Variants in KCNK10 observed in about 807,000 individuals in gnomAD.
The protein encoded by KCNK10 is potassium two pore domain channel subfamily K member 10.
KCNK10 carries 25 observed loss-of-function variants against 47.7 expected under a neutral mutation model. The observed-to-expected ratio is 0.52, with a 90% confidence interval of 0.38 to 0.73. KCNK10 has a LOEUF of 0.73. Among genes scored for constraint, KCNK10 ranks in the 30% least tolerant of loss-of-function variants. KCNK10 has a pLI of 0.00. For missense variants in KCNK10, 563 were observed against 714.5 expected, an observed-to-expected ratio of 0.79 and a Z score of 2.42; for synonymous variants, 303 against 285.6, an observed-to-expected ratio of 1.06 and a Z score of -0.61.
rs755494867 is a variant in KCNK10 at position 88,185,952 on chromosome 14, A to G, written c.1215T>C (p.Phe405=). 27 of 1,613,638 alleles carry G rather than the reference A, an allele frequency of 1.7e-5. No individual in the cohort carries two copies. The South Asian group carries it at 2.5e-4, about 15-fold the overall frequency. ...TGAAGCGGCCGGTGTCCAGGGCAGCAAAGACAGAGCGCTTCTCGGGGGACA... is the reference window on the plus strand; with the variant it reads ...TGAAGCGGCCGGTGTCCAGGGCAGCGAAGACAGAGCGCTTCTCGGGGGACA... ...DMLSPEKRSV[F]AALDTGRFKA... is the part of the protein sequence containing the mutation. The change falls in exon 7 of 7, where the codon TTT becomes TTC. Residue 405 remains phenylalanine (F), a synonymous_variant. Coordinates refer to ENST00000319231, the MANE Select transcript of KCNK10 (RefSeq NM_138317.3). The surrounding 1 kb of genome is among the most constrained non-coding windows in gnomAD (Gnocchi z 4.3).
chr14:88,324,919 A>G (rs1888629953), upstream of KCNK10, among the ~76,000 whole-genome samples: 1 of 152,110 alleles, frequency 6.6e-6, no homozygotes, highest in Admixed American at 6.5e-5. Context: ...TGTCACAGGC[A>G]CCCCAGGCTG....
chr14:88,196,351 A>T (rs1884913467), intron 4 of KCNK10, among the ~76,000 whole-genome samples: 1 of 152,256 alleles, frequency 6.6e-6, no homozygotes, highest in Admixed American at 6.5e-5. Flanking sequence ...GTATGGACTG[A>T]CAATTCGGGA....
chr14:88,240,817 C>T lies in KCNK10; in HGVS notation c.406G>A (p.Ala136Thr). 1 of 1,592,954 alleles carries T rather than the reference C, an allele frequency of 6.3e-7. No individual in the cohort carries two copies. The highest frequency in any genetic ancestry group is 8.6e-7 in the Non-Finnish European group (1 of 1,161,634). Residue 136 changes from alanine to threonine, a missense_variant, in exon 3 of 7, where the codon GCT (alanine) becomes ACT (threonine). Coordinates refer to ENST00000319231, the MANE Select transcript of KCNK10 (RefSeq NM_138317.3). ...ACTCCCGCATTGTCAGCATCAAGAG[C>T]ATGCTGCAAAGAAAGGGAAAAAGCA... ...PQELETLIQH[A>T]LDADNAGVSP... is the part of the protein sequence containing the mutation.
chr14:88,192,163 A>T, intron 5 of KCNK10, 61 bp downstream of exon 5: 1 of 1,480,374 alleles, frequency 6.8e-7, no homozygotes, highest in Non-Finnish European at 9.2e-7. Context: ...TGCGAAAAGC[A>T]CAGCCAACAG....
chr14:88,251,676 TATA>T (rs1394131782), intron 2 of KCNK10, among the ~76,000 whole-genome samples: 1 of 152,248 alleles, frequency 6.6e-6, no homozygotes, highest in Non-Finnish European at 1.5e-5. Context: ...TTGACCAGAT[TATA>T]TCACTCTGCT....
At chr14:88,200,952 G>T (rs979609490) in intron 4 of KCNK10, among the ~76,000 whole-genome samples, 3 of 152,212 alleles carry the variant, frequency 2.0e-5, no homozygotes, top group African/African-American at 7.2e-5. Context: ...GGAACTGTTT[G>T]CCTACCACAG....
chr14:88,324,986 G>T (rs748016822), upstream of KCNK10, among the ~76,000 whole-genome samples: 1 of 152,178 alleles, frequency 6.6e-6, no homozygotes, highest in Non-Finnish European at 1.5e-5. Flanking sequence ...ATCTGATGGT[G>T]CTACTCTGAC....
intron 4 of KCNK10, among the ~76,000 whole-genome samples, chr14:88,223,402 T>C (rs1409374566): frequency 6.6e-6 from 1 of 151,076 alleles, no homozygotes; most frequent in Non-Finnish European, 1.5e-5. Flanking sequence ...TGAGTAAATA[T>C]CATTTTCTTT....
chr14:88,187,466 A>T (rs1372199955), intron 6 of KCNK10, among the ~76,000 whole-genome samples: 3 of 152,022 alleles, frequency 2.0e-5, no homozygotes, highest in African/African-American at 7.3e-5. Context: ...GTCTCTATGG[A>T]TGTGACAACC....
At chr14:88,254,972 T>C (rs2139908977) in intron 2 of KCNK10, among the ~76,000 whole-genome samples, 1 of 152,304 alleles carries the variant, frequency 6.6e-6, no homozygotes, top group East Asian at 1.9e-4. Context: ...ATCATCCTAA[T>C]GAGGACTGTG....
intron 2 of KCNK10, among the ~76,000 whole-genome samples, chr14:88,243,142 T>G (rs1886528762): frequency 6.6e-6 from 1 of 152,246 alleles, no homozygotes; most frequent in Non-Finnish European, 1.5e-5. Context: ...ATTTAATGTT[T>G]ACCTATGTAA....
At chr14:88,236,774 G>A (rs1418912203) in intron 3 of KCNK10, among the ~76,000 whole-genome samples, 1 of 152,158 alleles carries the variant, frequency 6.6e-6, no homozygotes, top group Non-Finnish European at 1.5e-5. Context: ...TCTAAAAAAT[G>A]TATATATACT....
At chr14:88,214,682 T>C (rs958161541) in intron 4 of KCNK10, among the ~76,000 whole-genome samples, 1 of 152,154 alleles carries the variant, frequency 6.6e-6, no homozygotes, top group African/African-American at 2.4e-5. Context: ...AAGAAAGAGA[T>C]ATTAACTAAT....
In KCNK10 at chr14:88,205,172, G is replaced by A. The variant is rs530631664; in HGVS notation, c.682-12762C>T. Among the ~76,000 whole-genome samples, 17 of 152,282 alleles carry A rather than the reference G, an allele frequency of 1.1e-4. No individual in the cohort carries two copies. In the South Asian group the frequency reaches 3.3e-3, roughly 30 times the overall value. Reference sequence around the variant, plus strand: ...GCCTTTTCAGATTGGCTTCTTCCACGCAGCAATATGCATTTAGCATTCCTC... The same window carrying A: ...GCCTTTTCAGATTGGCTTCTTCCACACAGCAATATGCATTTAGCATTCCTC... On this transcript the variant is annotated intron_variant, in intron 4 of 6. Coordinates refer to ENST00000319231, the MANE Select transcript of KCNK10 (RefSeq NM_138317.3).
In KCNK10 at chr14:88,227,582, T is replaced by C. The variant is rs374931992; in HGVS notation, c.521-47A>G. ...AGGGAGAGTGGCAGAGAAATTAGCA[T>C]ACTGACCAAAGAACTCACAGACTTT... On this transcript the variant is annotated intron_variant, in intron 3 of 6. Transcript: ENST00000319231. The C allele has an allele frequency of 9.2e-5, 141 of 1,529,526 alleles. 1 individual carries two copies. In the African/African-American group the frequency reaches 1.5e-3, roughly 16 times the overall value. 94.7% of individuals were successfully genotyped at this position (1,529,526 alleles called of 1,614,324 possible).
intron 2 of KCNK10, among the ~76,000 whole-genome samples, chr14:88,243,776 G>A (rs1462016723): frequency 6.6e-6 from 1 of 151,720 alleles, no homozygotes; most frequent in Non-Finnish European, 1.5e-5. Context: ...AAGAAATAAA[G>A]CGACAAAAAG....
intron 2 of KCNK10, among the ~76,000 whole-genome samples, chr14:88,259,435 T>C (rs1443826590): frequency 6.6e-6 from 1 of 152,166 alleles, no homozygotes; most frequent in Admixed American, 6.5e-5. Flanking sequence ...ACAGAAATGC[T>C]TCCTGTTAGG....
intron 2 of KCNK10, among the ~76,000 whole-genome samples, chr14:88,248,352 C>T (rs1886699257): frequency 6.6e-6 from 1 of 152,086 alleles, no homozygotes. Flanking sequence ...AAAAGAGAGG[C>T]TTCTGCTATC....
intron 1 of KCNK10, among the ~76,000 whole-genome samples, chr14:88,315,726 C>T (rs558218419): frequency 2.6e-5 from 4 of 152,020 alleles, no homozygotes; most frequent in East Asian, 3.9e-4. Context: ...CTCCATCACC[C>T]GACCAAATTT....
Sources: allele counts gnomAD v4.1 joint callset (sites outside exome capture counted in the v4.1 genomes callset), GRCh38; gene constraint gnomAD v4.1.1; non-coding constraint Gnocchi (gnomAD v3.1); transcripts MANE v1.5; gene names NCBI Gene and HGNC (gene_info 2026-07-23, HGNC 2026-07-21).